The following PREX1 variants were observed in gnomAD, a reference collection of about 807,000 sequenced individuals.
The protein encoded by PREX1 is phosphatidylinositol 3,4,5-trisphosphate-dependent Rac exchanger 1 protein.
Under a neutral mutation model 198.3 loss-of-function variants are expected in PREX1, and 41 were observed. The observed-to-expected ratio is 0.21, with a 90% CI of 0.16 to 0.27. The LOEUF (loss-of-function observed/expected upper bound fraction) is 0.27, where lower values mean the gene tolerates loss of function less well. PREX1 is among the 10% of genes least tolerant of loss of function. The probability of loss-of-function intolerance (pLI) is 1.00; values close to 1 mark genes in which losing one functional copy is unlikely to be tolerated. For missense variants in PREX1, 1,620 were observed against 2,200.7 expected, an observed-to-expected ratio of 0.74 and a Z score of 5.28; for synonymous variants, 843 against 887.2, an observed-to-expected ratio of 0.95 and a Z score of 0.89.
upstream of PREX1, among the ~76,000 whole-genome samples, chr20:48,831,189 G>A (rs771925473): frequency 6.6e-6 from 1 of 152,192 alleles, no homozygotes; most frequent in Admixed American, 6.5e-5. Context: ...AAAGTACGAA[G>A]AAGACTCTGT....
chr20:48,641,684 T>C (rs756645388), intron 29 of PREX1, among the ~76,000 whole-genome samples: 3 of 151,450 alleles, frequency 2.0e-5, no homozygotes, highest in Non-Finnish European at 2.9e-5. Context: ...CCCAGCTACT[T>C]AGGAGGCTGA....
chr20:48,744,049 G>A (rs762856499), intron 3 of PREX1, among the ~76,000 whole-genome samples: 3 of 152,046 alleles, frequency 2.0e-5, no homozygotes, highest in Non-Finnish European at 4.4e-5. Flanking sequence ...AACAGTGGCC[G>A]AGTGCTGATA....
chr20:48,850,819 C>T, the PREX1 span, among the ~76,000 whole-genome samples: 1 of 152,102 alleles, frequency 6.6e-6, no homozygotes. Flanking sequence ...GCCAGGAGCA[C>T]CCTTCCTCTG....
chr20:48,811,185 T>A (rs570171672), intron 1 of PREX1, among the ~76,000 whole-genome samples: 1 of 149,438 alleles, frequency 6.7e-6, no homozygotes, highest in Non-Finnish European at 1.5e-5. Flanking sequence ...ACAATTTTTT[T>A]TTTATTATTA....
At chr20:48,784,944 G>A (rs1310444817) in intron 1 of PREX1, among the ~76,000 whole-genome samples, 37 of 149,870 alleles carry the variant, frequency 2.5e-4, no homozygotes, top group Admixed American at 2.2e-3. Flanking sequence ...ACCGAGTTTC[G>A]CTCTTGTCAC....
the PREX1 span, among the ~76,000 whole-genome samples, chr20:48,884,454 T>C: frequency 1.3e-5 from 2 of 152,202 alleles, no homozygotes; most frequent in Non-Finnish European, 2.9e-5. Flanking sequence ...TTTCAATAAG[T>C]GGTCACGTGA....
chr20:48,734,420 G>A (rs1186181392), intron 4 of PREX1, 126 bp downstream of exon 4: 6 of 839,864 alleles, frequency 7.1e-6, no homozygotes, highest in Non-Finnish European at 9.7e-6. Flanking sequence ...CCTGCTTTAG[G>A]CAGGAGATTA....
Position 48,632,362 on chromosome 20 carries a change from G to A in PREX1, c.4441C>T (p.Pro1481Ser), listed in dbSNP as rs778413291. ...VLENVEGLPS[P>S]GSQAAEDLQQ... ...AAATCCTCCGCGGCCTGGCTGCCTGGAGAAGGCAGCCCCTCCACGTTCTCC... is the reference window on the plus strand; with the variant it reads ...AAATCCTCCGCGGCCTGGCTGCCTGAAGAAGGCAGCCCCTCCACGTTCTCC... The change falls in exon 35 of 40, where the codon CCA (proline) becomes TCA (serine). Residue 1481 changes from proline (P) to serine (S), a missense_variant. By Grantham distance (74) the Pro-to-Ser change is moderately conservative. This residue lies in a region of PREX1 where 476 missense variants were observed against 603.4 expected (regional missense o/e 0.79). Transcript: ENST00000371941. 2.5e-6 allele frequency: 4 copies of A among 1,613,798 alleles called. No homozygotes were observed. The highest frequency in any genetic ancestry group is 3.4e-6 in the Non-Finnish European group (4 of 1,179,978).
chr20:48,695,516 T>G (rs2089840896), intron 7 of PREX1, among the ~76,000 whole-genome samples: 1 of 152,258 alleles, frequency 6.6e-6, no homozygotes. Flanking sequence ...CCAAAATAGT[T>G]GTACTGATTT....
At chr20:48,682,243 A>G (rs142248341) in intron 10 of PREX1, among the ~76,000 whole-genome samples, 15 of 152,240 alleles carry the variant, frequency 9.9e-5, no homozygotes, top group African/African-American at 3.6e-4. Context: ...TCTTCATGCA[A>G]CTGTGCCTTC....
At chr20:48,871,914 C>T in the PREX1 span, among the ~76,000 whole-genome samples, 4 of 152,064 alleles carry the variant, frequency 2.6e-5, no homozygotes, top group Non-Finnish European at 5.9e-5. Context: ...AATCCCAGCA[C>T]TTTGGGAGGC....
At chr20:48,727,452 C>T (rs2090015138) in intron 4 of PREX1, among the ~76,000 whole-genome samples, 1 of 151,968 alleles carries the variant, frequency 6.6e-6, no homozygotes, top group Non-Finnish European at 1.5e-5. Flanking sequence ...ATTCTCTTCC[C>T]CAATAAAAAT....
chr20:48,788,566 G>A (rs1371788459), intron 1 of PREX1, among the ~76,000 whole-genome samples: 1 of 152,162 alleles, frequency 6.6e-6, no homozygotes, highest in Non-Finnish European at 1.5e-5. Context: ...TGAGCCCCTA[G>A]ATCAAACTCT....
At chr20:48,688,954 T>A (rs951716056) in intron 9 of PREX1, 150 bp from the exon 10 acceptor site, 9 of 892,506 alleles carry the variant, frequency 1.0e-5, no homozygotes, top group Non-Finnish European at 1.4e-5. Context: ...CAGCAGCAGC[T>A]AGAGGGCACT....
the PREX1 span, among the ~76,000 whole-genome samples, chr20:48,833,590 C>T: frequency 1.3e-5 from 2 of 151,902 alleles, no homozygotes; most frequent in East Asian, 1.9e-4. Context: ...TACAGGTGCC[C>T]GCCACCACGC....
In PREX1 at chr20:48,744,900, C is replaced by G. The variant is rs1428821367; in HGVS notation, c.414+125G>C. The G allele has an allele frequency of 5.3e-6, 7 of 1,314,340 alleles. No individual in the cohort carries two copies. The Admixed American group carries it at 1.6e-4, about 30-fold the overall frequency. The allele number at this position is 1,314,340 out of a possible 1,614,324, so 81.4% of individuals were successfully genotyped here. A position where few individuals can be genotyped will look rare whatever the true frequency, so the allele number is the denominator to read the frequency against. ...ATGCAGACTGGGCCCACCTGCCCACCTTGCTACCCCATCTCCCAGACAGGC... is the reference window on the plus strand; with the variant it reads ...ATGCAGACTGGGCCCACCTGCCCACGTTGCTACCCCATCTCCCAGACAGGC... On this transcript the variant is annotated intron_variant, in intron 3 of 39. Transcript: ENST00000371941.
the PREX1 span, among the ~76,000 whole-genome samples, chr20:48,867,444 C>T: frequency 6.6e-6 from 1 of 152,272 alleles, no homozygotes; most frequent in Non-Finnish European, 1.5e-5. Flanking sequence ...TCAGCTATTC[C>T]CTCTCCACTG....
chr20:48,722,301 G>A lies in PREX1; in HGVS notation c.621+3989C>T, dbSNP rs145920111. ...ACAAAAAGGAAGGAGGCACCGACAC[G>A]CTCCAATGTGGCTGAACCTTGAGGA... On this transcript the variant is annotated intron_variant, in intron 5 of 39. Transcript: ENST00000371941. Among the ~76,000 whole-genome samples, 14 of 152,310 alleles carry A rather than the reference G, an allele frequency of 9.2e-5. No homozygotes were observed. In the East Asian group the frequency reaches 2.5e-3, roughly 27 times the overall value.
intron 15 of PREX1, among the ~76,000 whole-genome samples, chr20:48,661,444 A>AAAAATAT (rs1555832820): frequency 3.0e-4 from 15 of 49,598 alleles, no homozygotes; most frequent in Non-Finnish European, 3.4e-4. Context: ...AAAAAAAAAA[A>AAAAATAT]ATATATATAT....
Sources: allele counts gnomAD v4.1 joint callset (sites outside exome capture counted in the v4.1 genomes callset), GRCh38; gene constraint gnomAD v4.1.1; regional missense constraint gnomAD v4.1.1; transcripts MANE v1.5; gene names NCBI Gene and HGNC (gene_info 2026-07-23, HGNC 2026-07-21).